The following MPPED1 variants were observed in gnomAD, a reference collection of about 807,000 sequenced individuals.
MPPED1 encodes the protein metallophosphoesterase domain-containing protein 1.
A neutral mutation model predicts 36.2 loss-of-function variants in MPPED1; 16 were observed. The ratio of observed to expected loss-of-function variants is 0.44; its 90% CI spans 0.30 to 0.67. MPPED1 has a LOEUF of 0.67. MPPED1 is among the 30% of genes least tolerant of loss of function. The probability of loss-of-function intolerance (pLI) is 0.10; values close to 1 mark genes in which losing one functional copy is unlikely to be tolerated. For synonymous variants in MPPED1, 199 were observed against 191.3 expected, an observed-to-expected ratio of 1.04 and a Z score of -0.33; for missense variants, 307 against 453.4, an observed-to-expected ratio of 0.68 and a Z score of 2.93.
chr22:43,480,536 A>T (rs529877057), intron 4 of MPPED1, among the ~76,000 whole-genome samples: 3 of 152,274 alleles, frequency 2.0e-5, no homozygotes, highest in African/African-American at 7.2e-5. Flanking sequence ...TGTCCATTAA[A>T]AACAATAATT....
intron 3 of MPPED1, among the ~76,000 whole-genome samples, chr22:43,448,182 C>T (rs981454287): frequency 3.3e-5 from 5 of 152,132 alleles, no homozygotes; most frequent in Admixed American, 6.6e-5. Flanking sequence ...AGCCACTGCG[C>T]CCATCCTGGG....
chr22:43,488,180 C>T (rs973049828), intron 4 of MPPED1, among the ~76,000 whole-genome samples: 16 of 152,094 alleles, frequency 1.1e-4, no homozygotes, highest in East Asian at 1.9e-4. Flanking sequence ...CCATTGAGGG[C>T]GGCCCCTACG....
rs141957082 is a variant in MPPED1 at position 43,455,459 on chromosome 22, T to C, written c.407-19277T>C. 2.0e-5 allele frequency among the ~76,000 whole-genome samples: 3 copies of C among 152,146 alleles called. No individual in the cohort carries two copies. The South Asian group carries it at 6.2e-4, about 32-fold the overall frequency. On this transcript the variant is annotated intron_variant, in intron 3 of 6. Coordinates refer to ENST00000443721, the MANE Select transcript of MPPED1 (RefSeq NM_001044370.2). ...CAGTCATTGGATTAGAGCCCTCTCA[T>C]ATGACCTAATTTTACCTGAATTACC...
intron 1 of MPPED1, among the ~76,000 whole-genome samples, chr22:43,420,667 GC>G (rs535943968): frequency 4.1e-4 from 63 of 152,328 alleles, no homozygotes; most frequent in African/African-American, 1.5e-3. Flanking sequence ...GTCCCAAAGT[GC>G]TGGGATTGCA....
At chr22:43,440,997 A>G (rs905911976) in intron 3 of MPPED1, among the ~76,000 whole-genome samples, 1 of 150,886 alleles carries the variant, frequency 6.6e-6, no homozygotes, top group Non-Finnish European at 1.5e-5. Flanking sequence ...CCTCTCACCC[A>G]CCTTCTTTCC....
intron 4 of MPPED1, among the ~76,000 whole-genome samples, chr22:43,497,075 G>T (rs1312220045): frequency 6.8e-6 from 1 of 148,002 alleles, no homozygotes; most frequent in Non-Finnish European, 1.5e-5. Flanking sequence ...GGTGGAGGTG[G>T]TGGTGGAGGT....
intron 3 of MPPED1, among the ~76,000 whole-genome samples, chr22:43,449,058 G>T (rs1211499172): frequency 6.6e-6 from 1 of 151,966 alleles, no homozygotes; most frequent in East Asian, 1.9e-4. Context: ...AGCTTTATAG[G>T]CTTAGGACTA....
intron 2 of MPPED1, 106 bp from the exon 3 acceptor site, chr22:43,434,928 C>T (rs6519374): frequency 0.49 from 599,159 of 1,228,958 alleles, 152,255 homozygotes; most frequent in Non-Finnish European, 0.53. Context: ...TGGATCTGAG[C>T]GGGATTGATG....
chr22:43,424,673 G>A (rs1929394532), intron 1 of MPPED1, among the ~76,000 whole-genome samples: 2 of 120,508 alleles, frequency 1.7e-5, no homozygotes, highest in South Asian at 5.0e-4. Flanking sequence ...AGTGCTGTGG[G>A]TTGTTTTTTT....
At chr22:43,427,000 T>G (rs1195314331) in intron 2 of MPPED1, among the ~76,000 whole-genome samples, 1 of 152,174 alleles carries the variant, frequency 6.6e-6, no homozygotes, top group Non-Finnish European at 1.5e-5. Context: ...TGTCTTTTGC[T>G]GGTGAGGTTC....
intron 3 of MPPED1, among the ~76,000 whole-genome samples, chr22:43,462,191 C>G (rs1228378935): frequency 6.6e-6 from 1 of 152,210 alleles, no homozygotes; most frequent in Non-Finnish European, 1.5e-5. Context: ...AGTGAAAGGT[C>G]AGGGTGGCCC....
At chr22:43,500,421 G>T (rs1932692951) in intron 5 of MPPED1, among the ~76,000 whole-genome samples, 1 of 149,094 alleles carries the variant, frequency 6.7e-6, no homozygotes, top group Admixed American at 6.7e-5. Flanking sequence ...GATGGAGGTG[G>T]TAATGGAGGT....
At chr22:43,478,240 C>T (rs937954741) in intron 4 of MPPED1, among the ~76,000 whole-genome samples, 7 of 152,166 alleles carry the variant, frequency 4.6e-5, no homozygotes, top group Non-Finnish European at 1.0e-4. Context: ...TCAGAACAGC[C>T]TTTGGGTGCA....
intron 4 of MPPED1, among the ~76,000 whole-genome samples, chr22:43,475,598 G>GTGGTGATGATGGTGGTGA (rs1355874744): frequency 7.6e-6 from 1 of 131,618 alleles, no homozygotes; most frequent in African/African-American, 2.9e-5. Flanking sequence ...GGTGGTGATG[G>GTGGTGATGATGGTGGTGA]TGGTGATGAT....
At position 43,444,163 on chromosome 22, in the gene MPPED1, G is replaced by A. The variant is rs185048856; in HGVS notation, c.406+8948G>A. On this transcript the variant is annotated intron_variant, in intron 3 of 6. Coordinates refer to ENST00000443721, the MANE Select transcript of MPPED1 (RefSeq NM_001044370.2). ...TCTAAGTTGTAGTCAAGTGATTTTG[G>A]CCAGCCATAATTACAGTATTTTCAT... 4.3e-3 allele frequency among the ~76,000 whole-genome samples: 661 copies of A among 152,198 alleles called. 5 individuals carry two copies. The highest frequency in any genetic ancestry group is 0.015 in the African/African-American group (640 of 41,516).
rs546781934 is a variant in MPPED1, at chr22:43,434,941, G to C, written c.225-93G>C. On this transcript the variant is annotated intron_variant, in intron 2 of 6. Coordinates refer to ENST00000443721, the MANE Select transcript of MPPED1 (RefSeq NM_001044370.2). ...GGTGGATCTGAGCGGGATTGATGGGGCTGTGAGCTGTGGTGGATGGGGCTG... is the reference window on the plus strand; with the variant it reads ...GGTGGATCTGAGCGGGATTGATGGGCCTGTGAGCTGTGGTGGATGGGGCTG... 6.4e-5 allele frequency: 86 copies of C among 1,341,782 alleles called. 4 individuals carry two copies. In the South Asian group the frequency reaches 1.1e-3, roughly 17 times the overall value. The allele number at this position is 1,341,782 out of a possible 1,614,324, so 83.1% of individuals were successfully genotyped here.
intron 3 of MPPED1, among the ~76,000 whole-genome samples, chr22:43,458,604 C>T (rs912018428): frequency 1.6e-4 from 24 of 152,180 alleles, no homozygotes; most frequent in African/African-American, 5.8e-4. Context: ...TTTATATTTA[C>T]CTGTGTAGCT....
At chr22:43,497,610 C>T (rs1270103906) in intron 4 of MPPED1, among the ~76,000 whole-genome samples, 1 of 151,924 alleles carries the variant, frequency 6.6e-6, no homozygotes, top group Non-Finnish European at 1.5e-5. Flanking sequence ...CAGGTCTTGG[C>T]TGGGGAGCAG....
chr22:43,463,334 T>TC (rs1569077858), intron 3 of MPPED1, among the ~76,000 whole-genome samples: 1 of 146,074 alleles, frequency 6.8e-6, no homozygotes, highest in Non-Finnish European at 1.5e-5. Context: ...ATTTTTTCTT[T>TC]TTTTTTTTTT....
Sources: gnomAD v4.1 joint callset for allele counts (sites outside exome capture counted in the v4.1 genomes callset) on GRCh38, gnomAD v4.1.1 for gene constraint, MANE v1.5 for transcripts, NCBI Gene and HGNC (gene_info 2026-07-23, HGNC 2026-07-21) for gene names.